Variants in CXCL13 observed in about 807,000 individuals in gnomAD.
CXCL13 encodes the protein C-X-C motif chemokine ligand 13.
In CXCL13, 7 loss-of-function variants were observed where a neutral mutation model predicts 12.2. The ratio of observed to expected loss-of-function variants is 0.57; its 90% confidence interval spans 0.33 to 1.07. The LOEUF is 1.07. CXCL13 is among the 50% of genes least tolerant of loss of function. CXCL13 has a pLI of 0.04. For synonymous variants in CXCL13, 47 were observed against 42.4 expected (o/e 1.11, Z -0.42); for missense variants, 113 against 127.4 (o/e 0.89, Z 0.55).
chr4:77,582,261 G>C (rs1392227683), intron 1 of CXCL13, among the ~76,000 whole-genome samples: 2 of 152,114 alleles, frequency 1.3e-5, no homozygotes, highest in Non-Finnish European at 2.9e-5. Context: ...GACAAACAAA[G>C]CCTCTGTCCT....
At chr4:77,559,681 G>A (rs1578053620) in intron 1 of CXCL13, among the ~76,000 whole-genome samples, 1 of 152,006 alleles carries the variant, frequency 6.6e-6, no homozygotes, top group African/African-American at 2.4e-5. Flanking sequence ...CCAGTATTTT[G>A]GGAGGCCGAG....
At chr4:77,530,338 T>A (rs529374758) in intron 1 of CXCL13, among the ~76,000 whole-genome samples, 1 of 152,344 alleles carries the variant, frequency 6.6e-6, no homozygotes. Flanking sequence ...TTGGAATAGT[T>A]TCGGAAGGAA....
chr4:77,520,863 A>T (rs1724575774), intron 1 of CXCL13, among the ~76,000 whole-genome samples: 1 of 152,176 alleles, frequency 6.6e-6, no homozygotes, highest in Non-Finnish European at 1.5e-5. Flanking sequence ...TGTCATAAAT[A>T]GCTCTTATTA....
chr4:77,558,757 C>T (rs1386049006), intron 1 of CXCL13, among the ~76,000 whole-genome samples: 1 of 152,188 alleles, frequency 6.6e-6, no homozygotes, highest in African/African-American at 2.4e-5. Flanking sequence ...TATTTTTACT[C>T]AACAAAGGCC....
intron 1 of CXCL13, among the ~76,000 whole-genome samples, chr4:77,592,343 C>A (rs539215633): frequency 5.3e-5 from 8 of 152,200 alleles, no homozygotes; most frequent in African/African-American, 1.7e-4. Flanking sequence ...AAGACAAATA[C>A]ATGTTCTCAC....
At chr4:77,593,396 C>G (rs1726665263) in intron 1 of CXCL13, among the ~76,000 whole-genome samples, 1 of 152,162 alleles carries the variant, frequency 6.6e-6, no homozygotes, top group Non-Finnish European at 1.5e-5. Context: ...AGGAATCATA[C>G]CTAAGTTCGA....
intron 1 of CXCL13, among the ~76,000 whole-genome samples, chr4:77,575,272 A>C (rs918086839): frequency 6.6e-6 from 1 of 151,972 alleles, no homozygotes; most frequent in Non-Finnish European, 1.5e-5. Context: ...ATCTAATAAC[A>C]TCAAGTGTTT....
chr4:77,549,629 C>A (rs193123147), intron 1 of CXCL13, among the ~76,000 whole-genome samples: 7 of 152,124 alleles, frequency 4.6e-5, no homozygotes, highest in African/African-American at 1.2e-4. Flanking sequence ...GCTGGAGGTC[C>A]ACTTGAGCCC....
chr4:77,558,735 G>T (rs780463005), intron 1 of CXCL13, among the ~76,000 whole-genome samples: 1 of 152,162 alleles, frequency 6.6e-6, no homozygotes, highest in Admixed American at 6.5e-5. Context: ...CCCATACCAC[G>T]TGTCAGGGTC....
intron 1 of CXCL13, among the ~76,000 whole-genome samples, chr4:77,596,912 T>G (rs1022597073): frequency 1.3e-5 from 2 of 151,954 alleles, no homozygotes. Flanking sequence ...ATGACCTAAG[T>G]GTCTATTGAT....
intron 1 of CXCL13, among the ~76,000 whole-genome samples, chr4:77,568,360 G>T (rs1053373558): frequency 1.3e-5 from 2 of 152,128 alleles, no homozygotes; most frequent in African/African-American, 4.8e-5. Context: ...CAGCACACCT[G>T]GCCAACCATG....
At chr4:77,561,240 G>A (rs773258320) in intron 1 of CXCL13, among the ~76,000 whole-genome samples, 2 of 152,116 alleles carry the variant, frequency 1.3e-5, no homozygotes, top group Admixed American at 6.5e-5. Flanking sequence ...TTACCTGGAG[G>A]CCTGTTAGAA....
At chr4:77,534,110 C>T (rs186664988) in intron 1 of CXCL13, among the ~76,000 whole-genome samples, 27 of 152,158 alleles carry the variant, frequency 1.8e-4, no homozygotes, top group African/African-American at 3.9e-4. Context: ...AGAAATCACC[C>T]GTCTTCTGCG....
intron 1 of CXCL13, among the ~76,000 whole-genome samples, chr4:77,520,350 T>A (rs896485280): frequency 1.3e-5 from 2 of 152,232 alleles, no homozygotes; most frequent in Non-Finnish European, 2.9e-5. Context: ...CCCATGAGCA[T>A]GGAATGTTCT....
rs564334613 is a variant in CXCL13 at position 77,529,824 on chromosome 4, T to C, written c.-43+18036T>C. The stretch of plus-strand genomic sequence containing the variant: ...CTTCCAACACTATGTTGAATAGGAG[T>C]GGTGAGAGAGGGCATCCCTGTCTTG... On this transcript the variant is annotated intron_variant, in intron 1 of 4. Transcript: ENST00000286758. Among the ~76,000 whole-genome samples the C allele has an allele frequency of 5.3e-3, 812 of 152,140 alleles. 10 individuals carry two copies. The highest frequency in any genetic ancestry group is 0.018 in the African/African-American group (757 of 41,484).
rs1178648587 is a variant in CXCL13 at position 77,611,128 on chromosome 4, A to C, written c.*89A>C. ...GTGCTTAGTTAAATCTTTTCCAGGAAAAAGAACTTCCCCATACAAATAAGC... is the reference window on the plus strand; with the variant it reads ...GTGCTTAGTTAAATCTTTTCCAGGACAAAGAACTTCCCCATACAAATAAGC... On this transcript the variant is annotated 3_prime_UTR_variant, in exon 4 of 4. Transcript: ENST00000682537. 27 of 1,102,576 alleles carry C rather than the reference A, an allele frequency of 2.4e-5. No homozygotes were observed. Among genetic ancestry groups the C allele is most frequent in the Non-Finnish European group, 3.5e-5 (26 of 749,278 alleles). 68.3% of individuals were successfully genotyped at this position (1,102,576 alleles called of 1,614,324 possible).
chr4:77,577,136 T>C (rs1387105884), intron 1 of CXCL13, among the ~76,000 whole-genome samples: 2 of 152,066 alleles, frequency 1.3e-5, no homozygotes, highest in African/African-American at 4.8e-5. Flanking sequence ...TGGGAAAAAA[T>C]AGGATGACCA....
chr4:77,528,145 T>A (rs920224198), intron 1 of CXCL13, among the ~76,000 whole-genome samples: 1 of 152,252 alleles, frequency 6.6e-6, no homozygotes, highest in Non-Finnish European at 1.5e-5. Context: ...TTCCATGGTG[T>A]ATATGTGCCA....
intron 1 of CXCL13, among the ~76,000 whole-genome samples, chr4:77,519,236 G>T (rs749785254): frequency 2.0e-5 from 3 of 152,174 alleles, no homozygotes; most frequent in Non-Finnish European, 4.4e-5. Flanking sequence ...CTGCTCAGGG[G>T]TCAGGGGTCA....
Sources: allele counts gnomAD v4.1 joint callset (sites outside exome capture counted in the v4.1 genomes callset), GRCh38; gene constraint gnomAD v4.1.1; transcripts MANE v1.5; gene names NCBI Gene and HGNC (gene_info 2026-07-23, HGNC 2026-07-21).